Variants in USH2A observed in about 807,000 individuals in gnomAD.
USH2A encodes the protein usherin, also known as Usher syndrome 2A (autosomal recessive, mild).
In USH2A, 443 loss-of-function variants were observed where a neutral mutation model predicts 538.9. The observed-to-expected ratio is 0.82, with a 90% CI of 0.76 to 0.89. The LOEUF (loss-of-function observed/expected upper bound fraction) is 0.89, where lower values mean the gene tolerates loss of function less well. Among genes scored for constraint, USH2A ranks in the 40% least tolerant of loss-of-function variants. The pLI is 0.00. For missense variants in USH2A, 6,633 were observed against 6,324.8 expected (o/e 1.05, Z -1.65); for synonymous variants, 2,413 against 2,273.5 (o/e 1.06, Z -1.75).
At chr1:215,761,408 A>G (rs1398657474) in intron 56 of USH2A, among the ~76,000 whole-genome samples, 1 of 152,114 alleles carries the variant, frequency 6.6e-6, no homozygotes, top group Admixed American at 6.6e-5. Flanking sequence ...CATCATAATC[A>G]AATTCTTTCT....
chr1:215,843,832 C>A (rs1313646682), intron 46 of USH2A, among the ~76,000 whole-genome samples: 2 of 152,078 alleles, frequency 1.3e-5, no homozygotes, highest in African/African-American at 4.8e-5. Context: ...TTTAAGACAT[C>A]TAGTCCATTG....
At chr1:215,896,070 A>T (rs1474757036) in intron 40 of USH2A, among the ~76,000 whole-genome samples, 1 of 152,222 alleles carries the variant, frequency 6.6e-6, no homozygotes, top group Non-Finnish European at 1.5e-5. Context: ...TGCAGCATAT[A>T]ACTGTACTTA....
chr1:216,326,212 A>G (rs752799139), intron 5 of USH2A, among the ~76,000 whole-genome samples: 6 of 152,168 alleles, frequency 3.9e-5, no homozygotes, highest in Non-Finnish European at 8.8e-5. Flanking sequence ...AGGTAGATAT[A>G]TTTAATTTTT....
At chr1:215,812,921 G>T (rs955099556) in intron 49 of USH2A, among the ~76,000 whole-genome samples, 1 of 152,086 alleles carries the variant, frequency 6.6e-6, no homozygotes, top group Non-Finnish European at 1.5e-5. Context: ...TCACATTTTA[G>T]TTCTTTCACT....
intron 21 of USH2A, among the ~76,000 whole-genome samples, chr1:216,111,495 G>A (rs1304137515): frequency 6.6e-6 from 1 of 151,754 alleles, no homozygotes; most frequent in African/African-American, 2.4e-5. Context: ...TAGAGCTTAC[G>A]GATCTAAAGC....
intron 15 of USH2A, among the ~76,000 whole-genome samples, chr1:216,207,756 C>T (rs1202968242): frequency 7.0e-6 from 1 of 142,586 alleles, no homozygotes; most frequent in African/African-American, 2.6e-5. Context: ...GGATGCACAA[C>T]ATTTATTTTT....
chr1:216,158,273 T>TC (rs2033988805), intron 21 of USH2A, among the ~76,000 whole-genome samples: 1 of 152,144 alleles, frequency 6.6e-6, no homozygotes, highest in African/African-American at 2.4e-5. Context: ...TCTTGCTCTG[T>TC]CACCCAGGCT....
At chr1:215,922,779 G>A (rs559749312) in intron 38 of USH2A, among the ~76,000 whole-genome samples, 3 of 152,170 alleles carry the variant, frequency 2.0e-5, no homozygotes, top group Admixed American at 2.0e-4. Context: ...TATAGATACT[G>A]CTGATCTAAT....
At chr1:215,694,346 G>A (rs557217562) in intron 61 of USH2A, among the ~76,000 whole-genome samples, 1 of 152,282 alleles carries the variant, frequency 6.6e-6, no homozygotes, top group African/African-American at 2.4e-5. Context: ...GGCCAAGGCG[G>A]GTAGATCAGG....
intron 30 of USH2A, among the ~76,000 whole-genome samples, chr1:216,058,706 A>G (rs969547992): frequency 3.9e-5 from 6 of 152,184 alleles, no homozygotes; most frequent in African/African-American, 1.4e-4. Context: ...AAATTAAAGA[A>G]CTGTTGATAA....
intron 14 of USH2A, among the ~76,000 whole-genome samples, chr1:216,225,558 T>C (rs2035543518): frequency 1.3e-5 from 2 of 152,188 alleles, no homozygotes; most frequent in Admixed American, 1.3e-4. Flanking sequence ...TTATTCTTTC[T>C]ATTCTTTTTA....
At chr1:216,038,227 A>T (rs1459986195) in intron 32 of USH2A, among the ~76,000 whole-genome samples, 1 of 152,018 alleles carries the variant, frequency 6.6e-6, no homozygotes, top group Non-Finnish European at 1.5e-5. Context: ...GTCCTCAAAA[A>T]CTTTTTGTAA....
intron 21 of USH2A, among the ~76,000 whole-genome samples, chr1:216,134,544 T>C (rs767389927): frequency 2.0e-5 from 3 of 152,052 alleles, no homozygotes; most frequent in Non-Finnish European, 1.5e-5. Context: ...TAATATAGGG[T>C]TTGCATTTGG....
At chr1:215,963,759 A>G (rs1304645407) in intron 37 of USH2A, among the ~76,000 whole-genome samples, 1 of 152,136 alleles carries the variant, frequency 6.6e-6, no homozygotes, top group Non-Finnish European at 1.5e-5. Flanking sequence ...TGTCATGTGT[A>G]ATAGCTCCCT....
At position 216,073,222 on chromosome 1, in the gene USH2A, A is replaced by G. The variant is rs537691381; in HGVS notation, c.5651T>C (p.Val1884Ala). 6.2e-7 allele frequency: 1 copy of G among 1,613,918 alleles called. No individual in the cohort carries two copies. Among genetic ancestry groups the G allele is most frequent in the South Asian group, 1.1e-5 (1 of 91,076 alleles). Residue 1884 changes from valine (V) to alanine (A), a missense_variant, in exon 28 of 72, where the codon GTC (valine) becomes GCC (alanine). Transcript: ENST00000307340. Reference sequence around the variant, plus strand: ...TAGGCATCCATCCAGATTGACTCTGACAGCACCGCTGGACACAGATGCCAA... The same window carrying G: ...TAGGCATCCATCCAGATTGACTCTGGCAGCACCGCTGGACACAGATGCCAA... ...VNLASVSSGA[V>A]RVNLDGCLST...
chr1:215,656,104 G>A (rs1434171966), intron 64 of USH2A, among the ~76,000 whole-genome samples: 2 of 152,126 alleles, frequency 1.3e-5, no homozygotes, highest in East Asian at 1.9e-4. Context: ...CCCATAAGGG[G>A]GACAAATAGA....
At chr1:215,858,991 A>G (rs187223032) in intron 44 of USH2A, among the ~76,000 whole-genome samples, 44 of 152,172 alleles carry the variant, frequency 2.9e-4, no homozygotes, top group African/African-American at 9.9e-4. Flanking sequence ...GCTTTTGGAG[A>G]GCTACTTTCT....
At chr1:215,765,331 T>C (rs982355684) in intron 56 of USH2A, among the ~76,000 whole-genome samples, 1 of 152,106 alleles carries the variant, frequency 6.6e-6, no homozygotes, top group African/African-American at 2.4e-5. Flanking sequence ...ATAGAAAACA[T>C]CATTAGTGAA....
intron 21 of USH2A, among the ~76,000 whole-genome samples, chr1:216,162,467 C>T (rs564084614): frequency 7.9e-5 from 12 of 152,088 alleles, no homozygotes; most frequent in Admixed American, 6.6e-4. Flanking sequence ...CTGCCTCTAT[C>T]GACTATTAAC....
Sources: gnomAD v4.1 joint callset for allele counts (sites outside exome capture counted in the v4.1 genomes callset) on GRCh38, gnomAD v4.1.1 for gene constraint, MANE v1.5 for transcripts, NCBI Gene and HGNC (gene_info 2026-07-23, HGNC 2026-07-21) for gene names.